ACOT7: variants seen among roughly 807,000 people sequenced by gnomAD.
ACOT7 encodes the protein cytosolic acyl coenzyme A thioester hydrolase.
Under a neutral mutation model 40.2 loss-of-function variants are expected in ACOT7, and 12 were observed. The observed-to-expected ratio is 0.30, with a 90% CI of 0.19 to 0.48. The LOEUF (loss-of-function observed/expected upper bound fraction) is 0.48, where lower values mean the gene tolerates loss of function less well. Ranked by LOEUF, ACOT7 falls within the 20% of genes least tolerant of loss-of-function variation. The pLI, the probability that ACOT7 is intolerant of heterozygous loss-of-function variation, is 0.99. For missense variants in ACOT7, 395 were observed against 530.8 expected (o/e 0.74, Z 2.51); for synonymous variants, 228 against 219.5 (o/e 1.04, Z -0.34).
At chr1:6,364,315 G>A (rs984090425) in intron 1 of ACOT7, among the ~76,000 whole-genome samples, 1 of 152,102 alleles carries the variant, frequency 6.6e-6, no homozygotes, top group African/African-American at 2.4e-5. Flanking sequence ...GCCAAGGCAG[G>A]TGGATCACCT....
Position 6,269,403 on chromosome 1 carries a change from G to A in ACOT7, c.1015-4708C>T, listed in dbSNP as rs575341758. On this transcript the variant is annotated intron_variant, in intron 8 of 8. Coordinates refer to ENST00000361521, the MANE Select transcript of ACOT7 (RefSeq NM_007274.4). The stretch of plus-strand genomic sequence containing the variant: ...TTGCTGAGCTTGGCCTCCCCCAGGC[G>A]GGGGCCCTGCCCTGCCCTCAGCCAT... 3.9e-5 allele frequency among the ~76,000 whole-genome samples: 6 copies of A among 152,312 alleles called. No individual in the cohort carries two copies. The East Asian group carries it at 5.8e-4, about 15-fold the overall frequency.
At chr1:6,304,195 G>A (rs150661055) in intron 6 of ACOT7, among the ~76,000 whole-genome samples, 10 of 152,064 alleles carry the variant, frequency 6.6e-5, no homozygotes, top group South Asian at 6.2e-4. Context: ...TCCAGGGGAC[G>A]CTCCTTTTGA....
intron 8 of ACOT7, among the ~76,000 whole-genome samples, chr1:6,276,462 G>T (rs989276455): frequency 1.3e-5 from 2 of 151,990 alleles, no homozygotes; most frequent in African/African-American, 4.8e-5. Flanking sequence ...CCCGGAGCGG[G>T]TGCGGCAGCC....
In ACOT7 at chr1:6,393,471, GGCCTCCCC is replaced by G; in HGVS notation, c.-80_-73del. On this transcript the variant is annotated 5_prime_UTR_variant, in exon 1 of 9. Transcript: ENST00000361521. ...CTGCGCGCCGGGGGCAATCGAACGC[GGCCTCCCC>G]GCGCCGACCCCGCCCCCGCGCCGGC... The G allele has an allele frequency of 2.5e-6, 3 of 1,182,018 alleles. No homozygotes were observed. The highest frequency in any genetic ancestry group is 3.2e-6 in the Non-Finnish European group (3 of 946,984). 73.2% of individuals were successfully genotyped at this position (1,182,018 alleles called of 1,614,324 possible). A position where few individuals can be genotyped will look rare whatever the true frequency, so the allele number is the denominator to read the frequency against.
intron 7 of ACOT7, among the ~76,000 whole-genome samples, chr1:6,283,883 T>C (rs182865591): frequency 6.6e-6 from 1 of 152,348 alleles, no homozygotes; most frequent in Admixed American, 6.5e-5. Context: ...TGGTCCCAGC[T>C]ACTCGGGAGG....
intron 6 of ACOT7, among the ~76,000 whole-genome samples, chr1:6,307,587 C>A (rs1640191059): frequency 6.6e-6 from 1 of 152,244 alleles, no homozygotes; most frequent in African/African-American, 2.4e-5. Context: ...TCTGGGTAAC[C>A]CAGGTAGAGA....
At chr1:6,364,156 G>A (rs908486432) in intron 1 of ACOT7, among the ~76,000 whole-genome samples, 5 of 151,764 alleles carry the variant, frequency 3.3e-5, no homozygotes, top group Non-Finnish European at 5.9e-5. Flanking sequence ...ATTCCAGGCC[G>A]GCCTGGGCAA....
intron 1 of ACOT7, among the ~76,000 whole-genome samples, chr1:6,389,652 C>T (rs940082784): frequency 6.6e-6 from 1 of 151,588 alleles, no homozygotes; most frequent in Non-Finnish European, 1.5e-5. Context: ...GGCGTGGTGG[C>T]GGGCGTGTGT....
chr1:6,375,971 G>A (rs1157556142), intron 1 of ACOT7, among the ~76,000 whole-genome samples: 1 of 142,786 alleles, frequency 7.0e-6, no homozygotes, highest in Non-Finnish European at 1.5e-5. Context: ...AAATTAGCCA[G>A]GTGCTGGGCG....
chr1:6,328,704 A>T (rs190362760), intron 4 of ACOT7, among the ~76,000 whole-genome samples: 3 of 152,268 alleles, frequency 2.0e-5, no homozygotes, highest in East Asian at 1.9e-4. Flanking sequence ...AATAAATAAA[A>T]AACACCAACA....
At chr1:6,387,270 G>A (rs528958857) in intron 1 of ACOT7, among the ~76,000 whole-genome samples, 2 of 152,032 alleles carry the variant, frequency 1.3e-5, no homozygotes, top group Non-Finnish European at 2.9e-5. Flanking sequence ...TCAGCAAACT[G>A]TACGTTTCAA....
intron 1 of ACOT7, among the ~76,000 whole-genome samples, chr1:6,376,927 G>A (rs868440092): frequency 2.6e-5 from 4 of 152,130 alleles, no homozygotes; most frequent in Non-Finnish European, 5.9e-5. Flanking sequence ...CCAAAGACCC[G>A]AACAGATGCC....
At chr1:6,313,306 G>C (rs887399668) in intron 6 of ACOT7, among the ~76,000 whole-genome samples, 1 of 152,232 alleles carries the variant, frequency 6.6e-6, no homozygotes, top group East Asian at 1.9e-4. Context: ...GGGGAGGGAA[G>C]ATCAGGCCAG....
Position 6,349,836 on chromosome 1 carries a change from G to A in ACOT7, c.174C>T (p.Ala58=), listed in dbSNP as rs146476044. 8.6e-4 allele frequency: 1,391 copies of A among 1,614,128 alleles called. 10 individuals are homozygous for A. In the African/African-American group the frequency reaches 0.015, roughly 17 times the overall value. Residue 58 remains alanine, a synonymous_variant, in exon 2 of 9, where the codon GCC becomes GCT. Transcript: ENST00000361521. The part of the protein sequence containing the change: ...RIMRPDDANV[A]GNVHGGTILK... The stretch of plus-strand genomic sequence containing the variant: ...GGATGGTCCCCCCGTGGACATTGCC[G>A]GCCACGTTGGCATCATCTGGCCGCA...
intron 1 of ACOT7, among the ~76,000 whole-genome samples, chr1:6,388,204 G>A (rs1642471933): frequency 6.6e-6 from 1 of 151,900 alleles, no homozygotes; most frequent in Non-Finnish European, 1.5e-5. Flanking sequence ...CGCCTCCCGG[G>A]TTCATGCCAC....
intron 1 of ACOT7, among the ~76,000 whole-genome samples, chr1:6,374,180 T>A (rs1346426064): frequency 6.6e-6 from 1 of 152,176 alleles, no homozygotes; most frequent in Non-Finnish European, 1.5e-5. Context: ...AGAGGCCTGG[T>A]CCCCATGCTG....
chr1:6,392,903 G>C (rs1159783465), intron 1 of ACOT7, among the ~76,000 whole-genome samples: 3 of 152,120 alleles, frequency 2.0e-5, no homozygotes, highest in Non-Finnish European at 4.4e-5. Context: ...GGCGAGGCCC[G>C]AGGCGGGGCG....
chr1:6,379,478 GAC>G (rs1433336935), intron 1 of ACOT7, among the ~76,000 whole-genome samples: 2 of 150,486 alleles, frequency 1.3e-5, no homozygotes, highest in African/African-American at 2.4e-5. Context: ...TTTTTTTTGA[GAC>G]AGGGTCTCAC....
intron 1 of ACOT7, among the ~76,000 whole-genome samples, chr1:6,386,512 C>T (rs951019819): frequency 1.4e-4 from 22 of 152,146 alleles, no homozygotes; most frequent in African/African-American, 4.1e-4. Flanking sequence ...TTTCCCAGTA[C>T]GACATCGTAA....
Sources: allele counts gnomAD v4.1 joint callset (sites outside exome capture counted in the v4.1 genomes callset), GRCh38; gene constraint gnomAD v4.1.1; transcripts MANE v1.5; gene names NCBI Gene and HGNC (gene_info 2026-07-23, HGNC 2026-07-21).